The following TTC7A variants were observed in gnomAD, a reference collection of about 807,000 sequenced individuals.
TTC7A encodes the protein tetratricopeptide repeat protein 7A.
Under a neutral mutation model 103.7 loss-of-function variants are expected in TTC7A, and 110 were observed. The observed-to-expected ratio is 1.06, with a 90% confidence interval of 0.91 to 1.24. The LOEUF is 1.24. Among genes scored for constraint, TTC7A ranks in the 50% most tolerant of loss-of-function variants. TTC7A has a pLI of 0.00. For synonymous variants in TTC7A, 521 were observed against 467.9 expected, an observed-to-expected ratio of 1.11 and a Z score of -1.47; for missense variants, 1,340 against 1,116.3, an observed-to-expected ratio of 1.20 and a Z score of -2.86.
At chr2:47,048,038 G>C (rs937483515) in intron 16 of TTC7A, among the ~76,000 whole-genome samples, 3 of 152,110 alleles carry the variant, frequency 2.0e-5, no homozygotes, top group Non-Finnish European at 4.4e-5. Context: ...TTCACTATCA[G>C]CCGCACCTTC....
chr2:47,050,008 T>G lies in TTC7A; in HGVS notation c.1979T>G (p.Met660Arg), dbSNP rs1164862332. The G allele has an allele frequency of 6.2e-7, 1 of 1,614,162 alleles. No individual in the cohort carries two copies. Among genetic ancestry groups the G allele is most frequent in the East Asian group, 2.2e-5 (1 of 44,872 alleles). Residue 660 changes from methionine (M) to arginine (R), a missense_variant, in exon 17 of 20, where the codon ATG becomes AGG. By Grantham distance (91) the Met-to-Arg change is moderately conservative. Coordinates refer to ENST00000319190, the MANE Select transcript of TTC7A (RefSeq NM_020458.4). ...CTCACCATGAAGAAGCAGAGTGGCATGCACCTGACTTTGCCTGATGCCCAT... is the reference window on the plus strand; with the variant it reads ...CTCACCATGAAGAAGCAGAGTGGCAGGCACCTGACTTTGCCTGATGCCCAT... ...EGLTMKKQSG[M>R]HLTLPDAHDA...
intron 2 of TTC7A, among the ~76,000 whole-genome samples, chr2:46,922,738 G>A (rs1229935037): frequency 6.6e-6 from 1 of 152,086 alleles, no homozygotes; most frequent in Admixed American, 6.6e-5. Context: ...TGTGGGGAGG[G>A]GCGGGGGGCT....
At chr2:47,065,373 C>T (rs1684101634) in intron 19 of TTC7A, among the ~76,000 whole-genome samples, 1 of 152,152 alleles carries the variant, frequency 6.6e-6, no homozygotes, top group African/African-American at 2.4e-5. Flanking sequence ...AGCAATGAGA[C>T]AAAGAAAAAG....
rs1683716172 is a variant in TTC7A, at chr2:47,060,843, A to T, written c.2227A>T (p.Thr743Ser). The T allele has an allele frequency of 6.2e-7, 1 of 1,613,818 alleles. No homozygotes were observed. The highest frequency in any genetic ancestry group is 1.1e-5 in the South Asian group (1 of 91,072). The change falls in exon 19 of 20, where the codon ACT (threonine) becomes TCT (serine). Residue 743 changes from threonine to serine, a missense_variant. Transcript: ENST00000319190. Reference protein sequence around the residue: ...CIQEAAGLFPTSHSVLYMRGR... With the variant: ...CIQEAAGLFPSSHSVLYMRGR... ...CCAGGAGGCGGCGGGCCTCTTCCCCACTTCTCACTCAGTACTCTATATGCG... is the reference window on the plus strand; with the variant it reads ...CCAGGAGGCGGCGGGCCTCTTCCCCTCTTCTCACTCAGTACTCTATATGCG...
At chr2:47,006,184 C>G in intron 9 of TTC7A, 125 bp downstream of exon 9, 1 of 1,250,538 alleles carries the variant, frequency 8.0e-7, no homozygotes, top group South Asian at 1.5e-5. Context: ...CCGCTTTGAC[C>G]TCGGCAAGTT....
chr2:46,979,900 G>T (rs925769024), intron 5 of TTC7A, among the ~76,000 whole-genome samples: 2 of 152,166 alleles, frequency 1.3e-5, no homozygotes, highest in Admixed American at 1.3e-4. Flanking sequence ...AGACCCATAG[G>T]TGCCAAGCGC....
At chr2:47,035,139 G>A (rs545042686) in intron 15 of TTC7A, 1 of 152,304 alleles carries the variant, frequency 6.6e-6, no homozygotes, top group South Asian at 2.1e-4. Flanking sequence ...GAGCAGGGGG[G>A]ATGAGTCCCG....
intron 3 of TTC7A, among the ~76,000 whole-genome samples, chr2:46,961,508 C>T (rs370945562): frequency 4.5e-4 from 68 of 151,564 alleles, no homozygotes; most frequent in Admixed American, 9.9e-4. Flanking sequence ...ACCCGGGAGG[C>T]GGAGCTTGCA....
At chr2:46,936,775 CA>C (rs1670000221), upstream of TTC7A, among the ~76,000 whole-genome samples, 1 of 152,022 alleles carries the variant, frequency 6.6e-6, no homozygotes, top group Admixed American at 6.6e-5. Flanking sequence ...CTTTAGAATG[CA>C]AAGTGAACAC....
chr2:47,029,383 A>C lies in TTC7A; in HGVS notation c.1801A>C (p.Asn601His), dbSNP rs370980173. Residue 601 changes from asparagine (N) to histidine (H), a missense_variant and splice_region_variant, in exon 15 of 20, where the codon AAC (asparagine) becomes CAC (histidine). Transcript: ENST00000319190. ...CATCACCGAGCACCCTGAGAACTTC[A>C]AGTGAGTGCCCTGGGAACACTCTGG... ...MAITEHPENF[N>H]LMFTKVKLEQ... The C allele has an allele frequency of 6.2e-7, 1 of 1,613,446 alleles. No individual in the cohort carries two copies. The highest frequency in any genetic ancestry group is 1.3e-5 in the African/African-American group (1 of 74,938).
At position 46,975,028 on chromosome 2, in the gene TTC7A, G is replaced by T. The variant is rs2104231465; in HGVS notation, c.573G>T (p.Glu191Asp). 1 of 1,614,106 alleles carries T rather than the reference G, an allele frequency of 6.2e-7. No individual in the cohort carries two copies. The highest frequency in any genetic ancestry group is 8.5e-7 in the Non-Finnish European group (1 of 1,179,982). ...NSIASRFRLT[E>D]REEEVITCFE... ...TCGCCTCCCGCTTCCGCCTGACAGAGAGGGAGGAGGAAGTGATCACCTGTT... is the reference window on the plus strand; with the variant it reads ...TCGCCTCCCGCTTCCGCCTGACAGATAGGGAGGAGGAAGTGATCACCTGTT... Residue 191 changes from glutamate to aspartate, a missense_variant, in exon 4 of 20, where the codon GAG becomes GAT. By Grantham distance (45) the Glu-to-Asp change is conservative. Transcript: ENST00000319190.
At chr2:46,984,190 C>G (rs536288757) in intron 5 of TTC7A, among the ~76,000 whole-genome samples, 1 of 152,346 alleles carries the variant, frequency 6.6e-6, no homozygotes, top group South Asian at 2.1e-4. Flanking sequence ...GCCCGGCTGA[C>G]TTTCTTAGCT....
rs201407304 is a variant in TTC7A at position 46,994,338 on chromosome 2, G to A, written c.844-19G>A. 4 of 1,607,288 alleles carry A rather than the reference G, an allele frequency of 2.5e-6. No homozygotes were observed. The highest frequency in any genetic ancestry group is 4.5e-5 in the East Asian group (2 of 44,770). On this transcript the variant is annotated intron_variant, in intron 6 of 19. Transcript: ENST00000319190. The stretch of plus-strand genomic sequence containing the variant: ...AGCTGACAACTGTGCCTGGGTCCGA[G>A]TGCTTCCCTCTCTGCCAGATGGCGG...
intron 2 of TTC7A, among the ~76,000 whole-genome samples, chr2:46,935,016 G>T (rs1168824955): frequency 6.6e-6 from 1 of 151,780 alleles, no homozygotes; most frequent in East Asian, 1.9e-4. Flanking sequence ...GGCCAGGATG[G>T]TCTTGATATC....
rs149868021 is a variant in TTC7A, at chr2:46,919,132, G to T, written c.82+1855G>T. Among the ~76,000 whole-genome samples the T allele has an allele frequency of 5.3e-3, 814 of 152,350 alleles. 6 individuals carry two copies. The highest frequency in any genetic ancestry group is 0.018 in the African/African-American group (744 of 41,570). Reference sequence around the variant, plus strand: ...GATTCCAGAGTGGATGAGAATAGGGGTGAAAATAAGATTTCAATTTACACC... The same window carrying T: ...GATTCCAGAGTGGATGAGAATAGGGTTGAAAATAAGATTTCAATTTACACC... On this transcript the variant is annotated intron_variant, in intron 2 of 20. Transcript: ENST00000409245.
intron 2 of TTC7A, among the ~76,000 whole-genome samples, chr2:46,932,900 CAAAA>C (rs34183870): frequency 1.4e-5 from 1 of 69,414 alleles, no homozygotes; most frequent in Non-Finnish European, 3.0e-5. Flanking sequence ...GACTCCATCT[CAAAA>C]AAAAAAAAAA....
chr2:46,940,753 G>A (rs114473004), upstream of TTC7A, among the ~76,000 whole-genome samples: 2 of 152,216 alleles, frequency 1.3e-5, no homozygotes, highest in African/African-American at 4.8e-5. This position sits in a 1 kb window ranked among gnomAD's most constrained non-coding sequence, Gnocchi z 4.7. Context: ...GAACGGGCCT[G>A]GGTCCTCGCG....
intron 2 of TTC7A, among the ~76,000 whole-genome samples, chr2:46,921,368 A>G (rs1354348180): frequency 3.9e-5 from 6 of 152,246 alleles, no homozygotes; most frequent in South Asian, 2.1e-4. Flanking sequence ...GCAATAAGCA[A>G]GTAGAAATGG....
upstream of TTC7A, among the ~76,000 whole-genome samples, chr2:46,940,274 C>T (rs1302241268): frequency 6.6e-6 from 1 of 152,178 alleles, no homozygotes; most frequent in Non-Finnish European, 1.5e-5. The surrounding 1 kb of genome is among the most constrained non-coding windows in gnomAD (Gnocchi z 4.7). Context: ...AAAGTTTGCC[C>T]TGACCCTGCT....
Sources: allele counts gnomAD v4.1 joint callset (sites outside exome capture counted in the v4.1 genomes callset), GRCh38; gene constraint gnomAD v4.1.1; non-coding constraint Gnocchi (gnomAD v3.1); transcripts MANE v1.5; gene names NCBI Gene and HGNC (gene_info 2026-07-23, HGNC 2026-07-21).